NUDT21: variants seen among roughly 807,000 people sequenced by gnomAD.
NUDT21 encodes the protein cleavage and polyadenylation specificity factor subunit 5.
In NUDT21, 5 loss-of-function variants were observed where a neutral mutation model predicts 29.8. The observed-to-expected ratio is 0.17, with a 90% CI of 0.09 to 0.35. NUDT21 has a LOEUF of 0.35. NUDT21 is among the 10% of genes least tolerant of loss of function. The probability of loss-of-function intolerance (pLI) is 1.00; values close to 1 mark genes in which losing one functional copy is unlikely to be tolerated. For missense variants in NUDT21, 76 were observed against 276.0 expected, an observed-to-expected ratio of 0.28 and a Z score of 5.13; for synonymous variants, 113 against 98.5, an observed-to-expected ratio of 1.15 and a Z score of -0.87.
chr16:56,449,724 G>A (rs1030145461), intron 1 of NUDT21, among the ~76,000 whole-genome samples: 2 of 152,068 alleles, frequency 1.3e-5, no homozygotes, highest in Non-Finnish European at 2.9e-5. Flanking sequence ...CAGAAGCTGT[G>A]CTTTCACACT....
At chr16:56,448,719 G>A (rs1381675338) in intron 1 of NUDT21, among the ~76,000 whole-genome samples, 2 of 151,950 alleles carry the variant, frequency 1.3e-5, no homozygotes, top group Non-Finnish European at 2.9e-5. Flanking sequence ...GCCTAATAAG[G>A]ATCAAATTTT....
At chr16:56,448,129 TAATG>T (rs1962239712) in intron 1 of NUDT21, 140 bp from the exon 2 acceptor site, 1 of 670,308 alleles carries the variant, frequency 1.5e-6, no homozygotes, top group East Asian at 2.8e-5. Context: ...TAACTAAAGT[TAATG>T]AAACAGCAGA....
At position 56,431,732 on chromosome 16, in the gene NUDT21, A is replaced by G. The variant is rs1485777106; in HGVS notation, c.*980T>C. The G allele has an allele frequency of 2.0e-5, 3 of 151,646 alleles. No homozygotes were observed. Among genetic ancestry groups the G allele is most frequent in the Non-Finnish European group, 4.4e-5 (3 of 67,962 alleles). The allele number at this position is 151,646 out of a possible 1,614,324, so 9.4% of individuals were successfully genotyped here. A position where few individuals can be genotyped will look rare whatever the true frequency, so the allele number is the denominator to read the frequency against. On this transcript the variant is annotated 3_prime_UTR_variant, in exon 7 of 7. Coordinates refer to ENST00000300291, the MANE Select transcript of NUDT21 (RefSeq NM_007006.3). ...TGATCCGAATTTATCAGTATTTTTT[A>G]AAGTTTTTAAAATTTCGTTTTTCTC...
chr16:56,434,352 C>T lies in NUDT21; in HGVS notation c.641G>A (p.Ser214Asn). ...NAPGYGPIIS[S>N]LPQLLSRFNF... ...GTACCTGCTCAACAGCTGAGGGAGA[C>T]TAGAAATGATGGGTCCATATCCTGG... The change falls in exon 6 of 7, where the codon AGT (serine) becomes AAT (asparagine). Residue 214 changes from serine (S) to asparagine (N), a missense_variant. Around this residue, in one of 5 missense-constraint regions of NUDT21, gnomAD observed 13 missense variants for 59.7 expected, o/e 0.22. Coordinates refer to ENST00000300291, the MANE Select transcript of NUDT21 (RefSeq NM_007006.3). 6.2e-7 allele frequency: 1 copy of T among 1,611,258 alleles called. No homozygotes were observed. Among genetic ancestry groups the T allele is most frequent in the Non-Finnish European group, 8.5e-7 (1 of 1,177,516 alleles).
intron 3 of NUDT21, 31 bp from the exon 4 acceptor site, chr16:56,439,777 T>C: frequency 6.6e-7 from 1 of 1,508,130 alleles, no homozygotes; most frequent in Non-Finnish European, 9.2e-7. Flanking sequence ...AGTAAACAAC[T>C]AAATATATGT....
At chr16:56,442,639 T>C (rs1400178080) in intron 3 of NUDT21, among the ~76,000 whole-genome samples, 1 of 152,244 alleles carries the variant, frequency 6.6e-6, no homozygotes. Flanking sequence ...ACATTCACTA[T>C]AGAGGCAAGG....
Position 56,432,009 on chromosome 16 carries a change from A to G in NUDT21, c.*703T>C, listed in dbSNP as rs1326653569. 6 of 152,206 alleles carry G rather than the reference A, an allele frequency of 3.9e-5. No individual in the cohort carries two copies. Among genetic ancestry groups the G allele is most frequent in the Non-Finnish European group, 8.8e-5 (6 of 68,038 alleles). The allele number at this position is 152,206 out of a possible 1,614,324, so 9.4% of individuals were successfully genotyped here. On this transcript the variant is annotated 3_prime_UTR_variant, in exon 7 of 7. Transcript: ENST00000300291. ...ATAAGACACATAATTTCGCAACAGC[A>G]CAAATAATTAATACCCCCATTATGT...
rs563282820 is a variant in NUDT21, at chr16:56,451,324, C to A, written c.-122G>T. On this transcript the variant is annotated 5_prime_UTR_variant, in exon 1 of 7. Coordinates refer to ENST00000300291, the MANE Select transcript of NUDT21 (RefSeq NM_007006.3). ...ACTGCCCGCCATTAACAGGACAGCG[C>A]AAGAGGAGGCGTAGGCACGCCGGAA... 1.6e-5 allele frequency: 13 copies of A among 828,258 alleles called. 1 individual carries two copies. Among genetic ancestry groups the A allele is most frequent in the African/African-American group, 3.4e-5 (2 of 58,626 alleles). 51.3% of individuals were successfully genotyped at this position (828,258 alleles called of 1,614,324 possible). A position where few individuals can be genotyped will look rare whatever the true frequency, so the allele number is the denominator to read the frequency against.
chr16:56,442,154 T>C (rs1962166607), intron 3 of NUDT21, among the ~76,000 whole-genome samples: 1 of 152,210 alleles, frequency 6.6e-6, no homozygotes, highest in African/African-American at 2.4e-5. Flanking sequence ...AGTGCTGAAA[T>C]TGCAGGCATG....
At chr16:56,446,767 T>A in intron 2 of NUDT21, 78 bp from the exon 3 acceptor site, 1 of 868,892 alleles carries the variant, frequency 1.2e-6, no homozygotes, top group Non-Finnish European at 1.8e-6. Context: ...TTGTTATTTC[T>A]ACCAAGTCAC....
chr16:56,432,488 A>G lies in NUDT21; in HGVS notation c.*224T>C. ...TCCATTTTCTTTAATGTTGTACAAA[A>G]AAGTATGAGCAGAACCGAAAGTAAA... On this transcript the variant is annotated 3_prime_UTR_variant, in exon 7 of 7. Coordinates refer to ENST00000300291, the MANE Select transcript of NUDT21 (RefSeq NM_007006.3). 2.5e-6 allele frequency: 1 copy of G among 404,448 alleles called. No homozygotes were observed. The allele number at this position is 404,448 out of a possible 1,614,324, so 25.1% of individuals were successfully genotyped here.
intron 2 of NUDT21, chr16:56,447,029 A>G (rs1596957814): frequency 5.1e-6 from 1 of 195,412 alleles, no homozygotes; most frequent in East Asian, 1.3e-4. Context: ...TGAACATAAC[A>G]TCCAATAGGA....
intron 6 of NUDT21, among the ~76,000 whole-genome samples, chr16:56,433,981 C>A (rs1962065759): frequency 1.3e-5 from 2 of 152,238 alleles, no homozygotes; most frequent in Admixed American, 1.3e-4. Flanking sequence ...GCCACTACAT[C>A]CAGCCAATTT....
At position 56,434,462 on chromosome 16, in the gene NUDT21, T is replaced by G; in HGVS notation, c.548-17A>C. On this transcript the variant is annotated splice_polypyrimidine_tract_variant and intron_variant, in intron 5 of 6. Transcript: ENST00000300291. ...CAAACAAGGCTAAAATAAAACAGAA[T>G]TCATTATTATAAGTTATTATATAAT... The G allele has an allele frequency of 7.2e-7, 1 of 1,390,992 alleles. No homozygotes were observed. Among genetic ancestry groups the G allele is most frequent in the South Asian group, 1.2e-5 (1 of 85,236 alleles). 86.2% of individuals were successfully genotyped at this position (1,390,992 alleles called of 1,614,324 possible).
intron 3 of NUDT21, 57 bp from the exon 4 acceptor site, chr16:56,439,803 T>C: frequency 7.4e-7 from 1 of 1,353,456 alleles, no homozygotes; most frequent in Non-Finnish European, 1.1e-6. Context: ...CAAATCCCCT[T>C]CTTCAGTGAA....
intron 2 of NUDT21, 145 bp from the exon 3 acceptor site, chr16:56,446,834 A>G (rs1369237980): frequency 7.5e-6 from 4 of 531,530 alleles, no homozygotes; most frequent in Non-Finnish European, 1.0e-5. Flanking sequence ...GTGAAGGGGG[A>G]GAATATGCTT....
chr16:56,449,562 C>A (rs1451573383), intron 1 of NUDT21, among the ~76,000 whole-genome samples: 2 of 152,020 alleles, frequency 1.3e-5, no homozygotes, highest in Non-Finnish European at 2.9e-5. Context: ...TAAATCAACC[C>A]ATAATTTTAA....
At chr16:56,434,998 A>G (rs533877545) in intron 4 of NUDT21, 169 bp from the exon 5 acceptor site, 2 of 446,412 alleles carry the variant, frequency 4.5e-6, no homozygotes, top group Non-Finnish European at 7.9e-6. Flanking sequence ...TAATGCATAT[A>G]AAATAACAAG....
rs1355672642 is a variant in NUDT21 at position 56,430,992 on chromosome 16, G to C, written c.*1720C>G. On this transcript the variant is annotated 3_prime_UTR_variant, in exon 7 of 7. Coordinates refer to ENST00000300291, the MANE Select transcript of NUDT21 (RefSeq NM_007006.3). The stretch of plus-strand genomic sequence containing the variant: ...TCAACTCAAACACTCCTTACTGAGA[G>C]TACTTTATAAAACACACAACAAAAG... The C allele has an allele frequency of 6.6e-6, 1 of 152,214 alleles. No homozygotes were observed. Among genetic ancestry groups the C allele is most frequent in the African/African-American group, 2.4e-5 (1 of 41,450 alleles). 9.4% of individuals were successfully genotyped at this position (152,214 alleles called of 1,614,324 possible).
Sources: gnomAD v4.1 joint callset for allele counts (sites outside exome capture counted in the v4.1 genomes callset) on GRCh38, gnomAD v4.1.1 for gene constraint, gnomAD v4.1.1 regional missense constraint, MANE v1.5 for transcripts, NCBI Gene and HGNC (gene_info 2026-07-23, HGNC 2026-07-21) for gene names.